The following MAFG variants were observed in gnomAD, a reference collection of about 807,000 sequenced individuals.
MAFG encodes the protein transcription factor MafG.
Under a neutral mutation model 12.2 loss-of-function variants are expected in MAFG, and 3 were observed. The ratio of observed to expected loss-of-function variants is 0.25; its 90% CI spans 0.11 to 0.64. The LOEUF (loss-of-function observed/expected upper bound fraction) is 0.64. Among genes scored for constraint, MAFG ranks in the 30% least tolerant of loss-of-function variants. The probability of loss-of-function intolerance (pLI) is 0.85; values close to 1 mark genes in which losing one functional copy is unlikely to be tolerated. For missense variants in MAFG, 153 were observed against 235.5 expected, an observed-to-expected ratio of 0.65 and a Z score of 2.29; for synonymous variants, 126 against 109.1, an observed-to-expected ratio of 1.15 and a Z score of -0.96.
chr17:81,930,446 T>TAAACG (rs2040976264), upstream of MAFG: 1 of 150,956 alleles, frequency 6.6e-6, no homozygotes, highest in Non-Finnish European at 1.5e-5. The surrounding 1 kb of genome is among the most constrained non-coding windows in gnomAD (Gnocchi z 4.1). Flanking sequence ...GAGAATCGCT[T>TAAACG]GAGCCCGGGA....
rs185933287 is a variant in MAFG, at chr17:81,923,194, G to A, written c.-9C>T. 1.9e-6 allele frequency: 3 copies of A among 1,599,386 alleles called. No individual in the cohort carries two copies. Among genetic ancestry groups the A allele is most frequent in the East Asian group, 2.2e-5 (1 of 44,540 alleles). ...TTATTGGGGGTCGTCATAACCCGGGGGCACAGCGAGCAGGCGCTCTCTGCA... is the reference window on the plus strand; with the variant it reads ...TTATTGGGGGTCGTCATAACCCGGGAGCACAGCGAGCAGGCGCTCTCTGCA... On this transcript the variant is annotated 5_prime_UTR_variant, in exon 2 of 3. Transcript: ENST00000357736.
At position 81,918,431 on chromosome 17, in the gene MAFG, C is replaced by T. The variant is rs1336802623; in HGVS notation, c.*4174G>A. The T allele has an allele frequency of 4.8e-6, 1 of 209,230 alleles. No homozygotes were observed. Among genetic ancestry groups the T allele is most frequent in the Non-Finnish European group, 9.6e-6 (1 of 104,326 alleles). The allele number at this position is 209,230 out of a possible 1,614,324, so 13.0% of individuals were successfully genotyped here. Reference sequence around the variant, plus strand: ...TACTGCGCAGGGCAGGGGTAGGGCACCAAGGCCACTGCCCTGCAAGAGGTC... The same window carrying T: ...TACTGCGCAGGGCAGGGGTAGGGCATCAAGGCCACTGCCCTGCAAGAGGTC... On this transcript the variant is annotated 3_prime_UTR_variant, in exon 3 of 3. Coordinates refer to ENST00000357736, the MANE Select transcript of MAFG (RefSeq NM_002359.4).
chr17:81,928,164 C>A (rs1231988345), upstream of MAFG: 1 of 152,154 alleles, frequency 6.6e-6, no homozygotes, highest in Non-Finnish European at 1.5e-5. The surrounding 1 kb of genome is among the most constrained non-coding windows in gnomAD (Gnocchi z 8.1). Flanking sequence ...ACTCGGGGGT[C>A]CCGGAGCGGC....
At position 81,924,499 on chromosome 17, in the gene MAFG, C is replaced by G. The variant is rs2040924572; in HGVS notation, c.-29-1285G>C. The G allele has an allele frequency of 6.6e-6, 1 of 152,378 alleles. No homozygotes were observed. The highest frequency in any genetic ancestry group is 2.1e-4 in the South Asian group (1 of 4,844). The allele number at this position is 152,378 out of a possible 1,614,324, so 9.4% of individuals were successfully genotyped here. ...ATTATGGGCTGGGGGGCTTCTTACT[C>G]TCATCAGGGGAGCTGAAGTGTGGCC... is the stretch of plus-strand genomic sequence containing the variant. On this transcript the variant is annotated intron_variant, in intron 1 of 2. Coordinates refer to ENST00000357736, the MANE Select transcript of MAFG (RefSeq NM_002359.4). This position sits in a 1 kb window ranked among gnomAD's most constrained non-coding sequence, Gnocchi z 4.7.
chr17:81,925,810 A>G (rs1380242151), intron 1 of MAFG, among the ~76,000 whole-genome samples: 3 of 150,644 alleles, frequency 2.0e-5, no homozygotes, highest in Admixed American at 1.3e-4. Flanking sequence ...TCCGTCTCAA[A>G]AAAAAAAAAA....
Position 81,918,858 on chromosome 17 carries a change from C to T in MAFG, c.*3747G>A, listed in dbSNP as rs1467904963. 1 of 152,292 alleles carries T rather than the reference C, an allele frequency of 6.6e-6. No homozygotes were observed. The highest frequency in any genetic ancestry group is 2.4e-5 in the African/African-American group (1 of 41,442). 9.4% of individuals were successfully genotyped at this position (152,292 alleles called of 1,614,324 possible). ...GGGGTCACCAAGAACAGGGAGGTCTCACAGTTTATCGGGGACACACTCTAG... is the reference window on the plus strand; with the variant it reads ...GGGGTCACCAAGAACAGGGAGGTCTTACAGTTTATCGGGGACACACTCTAG... On this transcript the variant is annotated 3_prime_UTR_variant, in exon 3 of 3. Coordinates refer to ENST00000357736, the MANE Select transcript of MAFG (RefSeq NM_002359.4).
At position 81,918,651 on chromosome 17, in the gene MAFG, C is replaced by T. The variant is rs1329786164; in HGVS notation, c.*3954G>A. The stretch of plus-strand genomic sequence containing the variant: ...GGGACTGATCAACTCTGCTTGGACC[C>T]ACCTCTCAGCGCCAGGAGAGCAACA... On this transcript the variant is annotated 3_prime_UTR_variant, in exon 3 of 3. Coordinates refer to ENST00000357736, the MANE Select transcript of MAFG (RefSeq NM_002359.4). 1 of 152,588 alleles carries T rather than the reference C, an allele frequency of 6.6e-6. No individual in the cohort carries two copies. The highest frequency in any genetic ancestry group is 1.5e-5 in the Non-Finnish European group (1 of 68,152). 9.5% of individuals were successfully genotyped at this position (152,588 alleles called of 1,614,324 possible). A position where few individuals can be genotyped will look rare whatever the true frequency, so the allele number is the denominator to read the frequency against.
At chr17:81,928,725 G>A (rs894655826), upstream of MAFG, among the ~76,000 whole-genome samples, 1 of 152,240 alleles carries the variant, frequency 6.6e-6, no homozygotes, top group Non-Finnish European at 1.5e-5. The surrounding 1 kb of genome is among the most constrained non-coding windows in gnomAD (Gnocchi z 8.1). Flanking sequence ...CTAGGGGCAT[G>A]ATATGGTCCT....
Position 81,920,471 on chromosome 17 carries a change from C to A in MAFG, c.*2134G>T, listed in dbSNP as rs571902281. ...AAGTCTGGGCCCCACAGAAAAGAAACCAGCAACCCGGTGAAAGGCCAGGGC... is the reference window on the plus strand; with the variant it reads ...AAGTCTGGGCCCCACAGAAAAGAAAACAGCAACCCGGTGAAAGGCCAGGGC... On this transcript the variant is annotated 3_prime_UTR_variant, in exon 3 of 3. Coordinates refer to ENST00000357736, the MANE Select transcript of MAFG (RefSeq NM_002359.4). The A allele has an allele frequency of 2.0e-5, 3 of 152,374 alleles. No homozygotes were observed. The highest frequency in any genetic ancestry group is 4.8e-5 in the African/African-American group (2 of 41,582). 9.4% of individuals were successfully genotyped at this position (152,374 alleles called of 1,614,324 possible). A position where few individuals can be genotyped will look rare whatever the true frequency, so the allele number is the denominator to read the frequency against.
chr17:81,922,596 C>T lies in MAFG; in HGVS notation c.*9G>A, dbSNP rs767712750. On this transcript the variant is annotated 3_prime_UTR_variant, in exon 3 of 3. Coordinates refer to ENST00000357736, the MANE Select transcript of MAFG (RefSeq NM_002359.4). ...CCCCGCAAAGACCCGCCTGGGCAGA[C>T]GCGCGTCCCTACGATCGGGCATCCG... The T allele has an allele frequency of 2.3e-5, 34 of 1,456,704 alleles. No individual in the cohort carries two copies. The highest frequency in any genetic ancestry group is 1.8e-4 in the Middle Eastern group (1 of 5,464). The allele number at this position is 1,456,704 out of a possible 1,614,324, so 90.2% of individuals were successfully genotyped here. A position where few individuals can be genotyped will look rare whatever the true frequency, so the allele number is the denominator to read the frequency against.
chr17:81,926,603 A>G lies in MAFG; in HGVS notation c.-30+925T>C, dbSNP rs2040941732. The stretch of plus-strand genomic sequence containing the variant: ...ACTTCCCCTTTGGCTAGCTCGGCCC[A>G]CCGAAGCTCCTCCCCTCCCTCACTC... On this transcript the variant is annotated intron_variant, in intron 1 of 2. Transcript: ENST00000357736. This position sits in a 1 kb window ranked among gnomAD's most constrained non-coding sequence, Gnocchi z 4.6. Among the ~76,000 whole-genome samples the G allele has an allele frequency of 6.6e-6, 1 of 152,084 alleles. No individual in the cohort carries two copies. The highest frequency in any genetic ancestry group is 1.5e-5 in the Non-Finnish European group (1 of 68,004).
chr17:81,923,221 G>C lies in MAFG; in HGVS notation c.-29-7C>G. 6.7e-7 allele frequency: 1 copy of C among 1,487,850 alleles called. No homozygotes were observed. The highest frequency in any genetic ancestry group is 9.1e-7 in the Non-Finnish European group (1 of 1,101,192). 92.2% of individuals were successfully genotyped at this position (1,487,850 alleles called of 1,614,324 possible). A position where few individuals can be genotyped will look rare whatever the true frequency, so the allele number is the denominator to read the frequency against. On this transcript the variant is annotated splice_polypyrimidine_tract_variant and splice_region_variant and intron_variant, in intron 1 of 2. Coordinates refer to ENST00000357736, the MANE Select transcript of MAFG (RefSeq NM_002359.4). ...CACAGCGAGCAGGCGCTCTCTGCAA[G>C]ACACGGAGCAGGTCAGTACCCTGGA...
rs1002296043 is a variant in MAFG, at chr17:81,923,262, A to ACCCCCCCCC, written c.-29-57_-29-49dup. ...GTACCCTGGAGACCACCCTCGCCGC[A>ACCCCCCCCC]CCCCCCCCCCCCCGCCCCCGGCCCA... On this transcript the variant is annotated intron_variant, in intron 1 of 2. Coordinates refer to ENST00000357736, the MANE Select transcript of MAFG (RefSeq NM_002359.4). 57 of 362,744 alleles carry ACCCCCCCCC rather than the reference A, an allele frequency of 1.6e-4. 15 individuals are homozygous for ACCCCCCCCC. Among genetic ancestry groups the ACCCCCCCCC allele is most frequent in the African/African-American group, 8.2e-4 (12 of 14,676 alleles). 22.5% of individuals were successfully genotyped at this position (362,744 alleles called of 1,614,324 possible).
upstream of MAFG, among the ~76,000 whole-genome samples, chr17:81,929,000 C>T (rs999583878): frequency 6.6e-6 from 1 of 152,132 alleles, no homozygotes; most frequent in Non-Finnish European, 1.5e-5. The surrounding 1 kb of genome is among the most constrained non-coding windows in gnomAD (Gnocchi z 8.1). Flanking sequence ...ACCCGCCCTC[C>T]GTGCCACACA....
Position 81,921,769 on chromosome 17 carries a change from C to T in MAFG, c.*836G>A, listed in dbSNP as rs377496775. 5 of 150,188 alleles carry T rather than the reference C, an allele frequency of 3.3e-5. No individual in the cohort carries two copies. The South Asian group carries it at 1.0e-3, about 31-fold the overall frequency. The allele number at this position is 150,188 out of a possible 1,614,324, so 9.3% of individuals were successfully genotyped here. On this transcript the variant is annotated 3_prime_UTR_variant, in exon 3 of 3. Transcript: ENST00000357736. ...TCCATTCATATGGTCAAATGGTCTTCTTGCTTGTTTTTTTTCTAAAAGACA... is the reference window on the plus strand; with the variant it reads ...TCCATTCATATGGTCAAATGGTCTTTTTGCTTGTTTTTTTTCTAAAAGACA...
chr17:81,923,331 C>T (rs2040913693), intron 1 of MAFG, 117 bp from the exon 2 acceptor site: 1 of 648,374 alleles, frequency 1.5e-6, no homozygotes, highest in Non-Finnish European at 2.5e-6. Context: ...AGCCTGCTGT[C>T]CAGGTGCCCA....
Position 81,923,323 on chromosome 17 carries a change from C to A in MAFG, c.-29-109G>T, listed in dbSNP as rs2040913573. The A allele has an allele frequency of 6.9e-6, 5 of 719,906 alleles. No individual in the cohort carries two copies. The East Asian group carries it at 1.5e-4, about 21-fold the overall frequency. The allele number at this position is 719,906 out of a possible 1,614,324, so 44.6% of individuals were successfully genotyped here. On this transcript the variant is annotated intron_variant, in intron 1 of 2. Transcript: ENST00000357736. ...GCCCTTGCCGCACAGCCCGCCCCAG[C>A]CTGCTGTCCAGGTGCCCAGCCCCCA...
chr17:81,921,795 G>A lies in MAFG; in HGVS notation c.*810C>T, dbSNP rs1313051286. On this transcript the variant is annotated 3_prime_UTR_variant, in exon 3 of 3. Coordinates refer to ENST00000357736, the MANE Select transcript of MAFG (RefSeq NM_002359.4). The stretch of plus-strand genomic sequence containing the variant: ...TTGCTTGTTTTTTTTCTAAAAGACA[G>A]TTTTATAAATACTCTGCAGCTCTTT... The A allele has an allele frequency of 6.6e-6, 1 of 151,002 alleles. No homozygotes were observed. The allele number at this position is 151,002 out of a possible 1,614,324, so 9.4% of individuals were successfully genotyped here. A position where few individuals can be genotyped will look rare whatever the true frequency, so the allele number is the denominator to read the frequency against.
chr17:81,921,188 G>A lies in MAFG; in HGVS notation c.*1417C>T, dbSNP rs1399920977. 1 of 152,212 alleles carries A rather than the reference G, an allele frequency of 6.6e-6. No individual in the cohort carries two copies. The highest frequency in any genetic ancestry group is 6.5e-5 in the Admixed American group (1 of 15,270). The allele number at this position is 152,212 out of a possible 1,614,324, so 9.4% of individuals were successfully genotyped here. A position where few individuals can be genotyped will look rare whatever the true frequency, so the allele number is the denominator to read the frequency against. The stretch of plus-strand genomic sequence containing the variant: ...ACACAGATGTAGCCAAGGCTCAGTG[G>A]AGGGGGGCATGACAGAACCCCATGT... On this transcript the variant is annotated 3_prime_UTR_variant, in exon 3 of 3. Transcript: ENST00000357736.
Sources: allele counts gnomAD v4.1 joint callset (sites outside exome capture counted in the v4.1 genomes callset), GRCh38; gene constraint gnomAD v4.1.1; non-coding constraint Gnocchi (gnomAD v3.1); transcripts MANE v1.5; gene names NCBI Gene and HGNC (gene_info 2026-07-23, HGNC 2026-07-21).